The following CDH13 variants were observed in gnomAD, a reference collection of about 807,000 sequenced individuals.
CDH13 encodes the protein cadherin-13.
A neutral mutation model predicts 63.8 loss-of-function variants in CDH13; 24 were observed. The observed-to-expected ratio is 0.38, with a 90% confidence interval of 0.27 to 0.53. The LOEUF is 0.53. CDH13 is among the 20% of genes least tolerant of loss of function. CDH13 has a pLI of 0.85. For missense variants in CDH13, 1,049 were observed against 903.1 expected, an observed-to-expected ratio of 1.16 and a Z score of -2.07; for synonymous variants, 503 against 355.3, an observed-to-expected ratio of 1.42 and a Z score of -4.67.
At chr16:83,783,549 C>A in intron 13 of CDH13, 77 bp downstream of exon 13, 2 of 1,051,478 alleles carry the variant, frequency 1.9e-6, no homozygotes, top group Non-Finnish European at 3.0e-6. Flanking sequence ...AGCATTTTCC[C>A]ATATACCTTT....
intron 1 of CDH13, among the ~76,000 whole-genome samples, chr16:82,794,182 T>C (rs2036464087): frequency 6.7e-6 from 1 of 148,954 alleles, no homozygotes; most frequent in South Asian, 2.1e-4. Context: ...TCTTTTCTTT[T>C]CTTTTTTTTT....
At chr16:83,557,948 G>A (rs139392033) in intron 7 of CDH13, among the ~76,000 whole-genome samples, 4 of 152,216 alleles carry the variant, frequency 2.6e-5, no homozygotes, top group Admixed American at 6.5e-5. Flanking sequence ...CTATAGATCC[G>A]TCACTTCCAC....
chr16:83,167,557 G>A lies in CDH13; in HGVS notation c.483+42056G>A, dbSNP rs80074158. Among the ~76,000 whole-genome samples the A allele has an allele frequency of 8.2e-3, 1,208 of 147,918 alleles. 22 individuals are homozygous for A. Among genetic ancestry groups the A allele is most frequent in the African/African-American group, 0.029 (1,165 of 40,244 alleles). On this transcript the variant is annotated intron_variant, in intron 4 of 13. Coordinates refer to ENST00000567109, the MANE Select transcript of CDH13 (RefSeq NM_001257.5). ...TTGGAGTAGCCTGGGCTCCCGTGTTGGCTTTATTACTGAGCTGTGTGCAGG... is the reference window on the plus strand; with the variant it reads ...TTGGAGTAGCCTGGGCTCCCGTGTTAGCTTTATTACTGAGCTGTGTGCAGG...
chr16:82,632,834 C>G (rs1461421518), intron 1 of CDH13, among the ~76,000 whole-genome samples: 1 of 152,086 alleles, frequency 6.6e-6, no homozygotes, highest in East Asian at 1.9e-4. Context: ...ACTGGGAGCC[C>G]TGAGCTTGTT....
intron 1 of CDH13, among the ~76,000 whole-genome samples, chr16:82,713,463 C>T (rs2151010273): frequency 6.6e-6 from 1 of 152,264 alleles, no homozygotes; most frequent in East Asian, 1.9e-4. Context: ...TCCCTGCCTG[C>T]CCCCAGCACT....
In CDH13 at chr16:83,355,435, G is replaced by A. The variant is rs192921705; in HGVS notation, c.781+10429G>A. Reference sequence around the variant, plus strand: ...CAGTTAAGACCAGGAGAACTGAATGGTTTTCTCTTCATCCTTCAACTTCCA... The same window carrying A: ...CAGTTAAGACCAGGAGAACTGAATGATTTTCTCTTCATCCTTCAACTTCCA... On this transcript the variant is annotated intron_variant, in intron 6 of 13. Transcript: ENST00000567109. Among the ~76,000 whole-genome samples the A allele has an allele frequency of 2.0e-3, 310 of 152,244 alleles. 2 individuals carry two copies. Among genetic ancestry groups the A allele is most frequent in the Non-Finnish European group, 3.1e-3 (213 of 68,022 alleles).
At chr16:82,799,865 C>T (rs2036766768) in intron 1 of CDH13, among the ~76,000 whole-genome samples, 1 of 152,150 alleles carries the variant, frequency 6.6e-6, no homozygotes, top group African/African-American at 2.4e-5. Flanking sequence ...TGGATTTTGG[C>T]TTTATGGCAA....
At chr16:82,959,362 G>A (rs1906611272) in intron 2 of CDH13, among the ~76,000 whole-genome samples, 1 of 152,186 alleles carries the variant, frequency 6.6e-6, no homozygotes, top group South Asian at 2.1e-4. Flanking sequence ...TTTGCCTCCT[G>A]TATTAGTTTT....
Position 83,439,521 on chromosome 16 carries a change from A to G in CDH13, c.782-46956A>G, listed in dbSNP as rs149575951. ...TTGGTTGCTATTCGGAAGCATGGGT[A>G]GTTCTATGACCAGTGCTAAATCTCA... On this transcript the variant is annotated intron_variant, in intron 6 of 13. Transcript: ENST00000567109. 9.8e-3 allele frequency among the ~76,000 whole-genome samples: 1,497 copies of G among 152,378 alleles called. 10 individuals carry two copies. The highest frequency in any genetic ancestry group is 0.017 in the Middle Eastern group (5 of 294).
intron 10 of CDH13, among the ~76,000 whole-genome samples, chr16:83,723,692 T>G (rs1909987695): frequency 6.6e-6 from 1 of 152,240 alleles, no homozygotes; most frequent in Non-Finnish European, 1.5e-5. Flanking sequence ...TATTGTGTGT[T>G]AACTATTTTT....
intron 6 of CDH13, among the ~76,000 whole-genome samples, chr16:83,469,515 C>G (rs2073402075): frequency 6.6e-6 from 1 of 152,186 alleles, no homozygotes; most frequent in African/African-American, 2.4e-5. Flanking sequence ...TCAAGAGTCA[C>G]CTTACATCCA....
At chr16:83,788,114 G>C (rs533096242) in intron 13 of CDH13, among the ~76,000 whole-genome samples, 1 of 152,208 alleles carries the variant, frequency 6.6e-6, no homozygotes, top group African/African-American at 2.4e-5. Context: ...TACCCAGAAA[G>C]TAGACAATTA....
At chr16:83,309,992 G>T (rs1251838043) in intron 5 of CDH13, among the ~76,000 whole-genome samples, 66 of 152,094 alleles carry the variant, frequency 4.3e-4, no homozygotes, top group Non-Finnish European at 7.3e-5. Flanking sequence ...AGATGAGTGG[G>T]TACAAAAGTT....
intron 6 of CDH13, among the ~76,000 whole-genome samples, chr16:83,452,937 A>C (rs2072923031): frequency 6.6e-6 from 1 of 152,198 alleles, no homozygotes; most frequent in Non-Finnish European, 1.5e-5. Flanking sequence ...AAAGGGCTTA[A>C]GCACAAGTCC....
rs139356500 is a variant in CDH13, at chr16:82,790,598, C to G, written c.46-67764C>G. Among the ~76,000 whole-genome samples, 15 of 152,262 alleles carry G rather than the reference C, an allele frequency of 9.9e-5. No individual in the cohort carries two copies. In the East Asian group the frequency reaches 2.7e-3, roughly 27 times the overall value. On this transcript the variant is annotated intron_variant, in intron 1 of 13. Coordinates refer to ENST00000567109, the MANE Select transcript of CDH13 (RefSeq NM_001257.5). ...TAGTAGGGTAGTGTATTAGTCCCTT[C>G]TCACGTTGCTTTAAGGAAATACCGG...
chr16:83,217,377 G>GGTCCCT lies in CDH13; in HGVS notation c.516_517insGTCCCT (p.Lys172_Phe173insValPro), dbSNP rs777596656. 44 of 1,613,852 alleles carry GGTCCCT rather than the reference G, an allele frequency of 2.7e-5. No homozygotes were observed. Among genetic ancestry groups the GGTCCCT allele is most frequent in the Non-Finnish European group, 3.7e-5 (44 of 1,179,878 alleles). The stretch of plus-strand genomic sequence containing the variant: ...ATAGTGACAGGCCAGAAAGGTCCAA[G>GGTCCCT]TTCCGGCTCACTGGAAAGGGAGTGG... On this transcript the variant is annotated inframe_insertion, in exon 5 of 14. Coordinates refer to ENST00000567109, the MANE Select transcript of CDH13 (RefSeq NM_001257.5).
intron 6 of CDH13, among the ~76,000 whole-genome samples, chr16:83,362,992 G>A (rs903747952): frequency 6.6e-6 from 1 of 152,142 alleles, no homozygotes; most frequent in Admixed American, 6.5e-5. Flanking sequence ...GAGACAGTCC[G>A]GCTATGCCTT....
chr16:83,484,617 T>G (rs946994845), intron 6 of CDH13, among the ~76,000 whole-genome samples: 1 of 152,214 alleles, frequency 6.6e-6, no homozygotes, highest in Non-Finnish European at 1.5e-5. Flanking sequence ...ATGTTATAGA[T>G]GAGGCCAACA....
chr16:82,977,060 T>A (rs1909615004), intron 2 of CDH13, among the ~76,000 whole-genome samples: 1 of 152,328 alleles, frequency 6.6e-6, no homozygotes, highest in South Asian at 2.1e-4. Context: ...CTTATAGAAT[T>A]TTTAAAACAA....
Sources: allele counts gnomAD v4.1 joint callset (sites outside exome capture counted in the v4.1 genomes callset), GRCh38; gene constraint gnomAD v4.1.1; transcripts MANE v1.5; gene names NCBI Gene and HGNC (gene_info 2026-07-23, HGNC 2026-07-21).